Variants in BTBD9 observed in about 807,000 individuals in gnomAD.
BTBD9 encodes the protein BTB domain containing 9, also known as BTB/POZ domain-containing protein 9.
Under a neutral mutation model 64.3 loss-of-function variants are expected in BTBD9, and 49 were observed. That is an observed-to-expected ratio of 0.76 (90% CI 0.61 to 0.97). The LOEUF (loss-of-function observed/expected upper bound fraction) is 0.97, where lower values mean the gene tolerates loss of function less well. Among genes scored for constraint, BTBD9 ranks in the 50% least tolerant of loss-of-function variants. The pLI is 0.00. For missense variants in BTBD9, 598 were observed against 762.1 expected (o/e 0.78, Z 2.53); for synonymous variants, 260 against 274.7 (o/e 0.95, Z 0.53).
intron 9 of BTBD9, among the ~76,000 whole-genome samples, chr6:38,254,226 C>A (rs998075733): frequency 6.6e-6 from 1 of 151,740 alleles, no homozygotes; most frequent in Non-Finnish European, 1.5e-5. Flanking sequence ...GGAACACACA[C>A]ACTGACTGTC....
chr6:38,549,403 T>C (rs1774696521), intron 6 of BTBD9, among the ~76,000 whole-genome samples: 1 of 152,210 alleles, frequency 6.6e-6, no homozygotes, highest in African/African-American at 2.4e-5. Flanking sequence ...ATGTGATGTC[T>C]CTAAACTGAG....
rs1270794770 is a variant in BTBD9, at chr6:38,593,906, G to A, written c.549+58C>T. On this transcript the variant is annotated intron_variant, in intron 3 of 10. Coordinates refer to ENST00000481247, the MANE Select transcript of BTBD9 (RefSeq NM_001099272.2). ...CTTAGTCCATTGCTATACTTCTACA[G>A]TATAGGTATAAATAAAACAATGCAT... 2.6e-5 allele frequency: 36 copies of A among 1,390,980 alleles called. No individual in the cohort carries two copies. The East Asian group carries it at 5.7e-4, about 22-fold the overall frequency. 86.2% of individuals were successfully genotyped at this position (1,390,980 alleles called of 1,614,324 possible). A position where few individuals can be genotyped will look rare whatever the true frequency, so the allele number is the denominator to read the frequency against.
At chr6:38,284,977 A>T (rs1463702788) in intron 8 of BTBD9, among the ~76,000 whole-genome samples, 4 of 141,024 alleles carry the variant, frequency 2.8e-5, no homozygotes, top group Non-Finnish European at 6.2e-5. Flanking sequence ...GACAGAGTCC[A>T]GAGTAGCACA....
At chr6:38,506,362 T>C (rs9369064) in intron 6 of BTBD9, among the ~76,000 whole-genome samples, 126,235 of 152,200 alleles carry the variant, frequency 0.83, 53,789 homozygotes, top group Non-Finnish European at 0.93. Flanking sequence ...AACACAAAGC[T>C]TGATCCATAA....
At chr6:38,630,448 G>A (rs1305264168) in intron 1 of BTBD9, among the ~76,000 whole-genome samples, 1 of 152,124 alleles carries the variant, frequency 6.6e-6, no homozygotes, top group Admixed American at 6.5e-5. Context: ...TTGTTTTTAG[G>A]AAATGCACAT....
At chr6:38,569,805 T>G (rs933710429) in intron 6 of BTBD9, among the ~76,000 whole-genome samples, 4 of 152,082 alleles carry the variant, frequency 2.6e-5, no homozygotes, top group African/African-American at 9.7e-5. Flanking sequence ...TTTGCTATTG[T>G]TGTTGTGTTT....
At chr6:38,248,714 A>G (rs1231275742) in intron 9 of BTBD9, among the ~76,000 whole-genome samples, 1 of 152,218 alleles carries the variant, frequency 6.6e-6, no homozygotes, top group Non-Finnish European at 1.5e-5. Context: ...GATGGCTGAC[A>G]TTGTAGGCAC....
chr6:38,324,975 A>AGGG (rs996809855), intron 7 of BTBD9, among the ~76,000 whole-genome samples: 1 of 152,224 alleles, frequency 6.6e-6, no homozygotes, highest in Non-Finnish European at 1.5e-5. Context: ...GACTGTTGCA[A>AGGG]GGGTTAAATG....
At chr6:38,383,269 G>A (rs1231708993) in intron 6 of BTBD9, among the ~76,000 whole-genome samples, 1 of 152,150 alleles carries the variant, frequency 6.6e-6, no homozygotes, top group African/African-American at 2.4e-5. Flanking sequence ...CCCTGTGATT[G>A]TCACAATATT....
At chr6:38,446,677 C>T (rs1769293125) in intron 6 of BTBD9, among the ~76,000 whole-genome samples, 1 of 152,152 alleles carries the variant, frequency 6.6e-6, no homozygotes, top group South Asian at 2.1e-4. Flanking sequence ...TATGAGTTCA[C>T]CTAATCCTGG....
chr6:38,585,151 C>T (rs1467162342), intron 4 of BTBD9, among the ~76,000 whole-genome samples: 1 of 152,044 alleles, frequency 6.6e-6, no homozygotes, highest in African/African-American at 2.4e-5. Flanking sequence ...AGCATGTGTA[C>T]CGACACTACA....
intron 6 of BTBD9, among the ~76,000 whole-genome samples, chr6:38,379,890 T>C (rs1186883057): frequency 6.6e-6 from 1 of 152,212 alleles, no homozygotes; most frequent in Non-Finnish European, 1.5e-5. Context: ...CAGTCATCTA[T>C]TGTCATATTA....
At chr6:38,346,627 G>A (rs892964610) in intron 6 of BTBD9, among the ~76,000 whole-genome samples, 35 of 150,428 alleles carry the variant, frequency 2.3e-4, no homozygotes, top group African/African-American at 8.6e-4. Context: ...GTTTGGGTGG[G>A]TGGGTAGGTT....
intron 6 of BTBD9, among the ~76,000 whole-genome samples, chr6:38,515,223 C>T (rs573445120): frequency 6.6e-6 from 1 of 152,274 alleles, no homozygotes; most frequent in South Asian, 2.1e-4. Context: ...TCCATTAGAT[C>T]GATAGCAATT....
intron 7 of BTBD9, among the ~76,000 whole-genome samples, chr6:38,333,019 G>A (rs533187982): frequency 2.0e-5 from 3 of 152,262 alleles, no homozygotes; most frequent in South Asian, 2.1e-4. Context: ...GTTCTAGACC[G>A]TTATCCCATC....
At chr6:38,366,576 G>T (rs1765191525) in intron 6 of BTBD9, among the ~76,000 whole-genome samples, 1 of 152,182 alleles carries the variant, frequency 6.6e-6, no homozygotes, top group African/African-American at 2.4e-5. Context: ...TAACAAAAAA[G>T]AATTGTTGGT....
chr6:38,197,309 TAG>T (rs1354257090), intron 9 of BTBD9, among the ~76,000 whole-genome samples: 5 of 152,174 alleles, frequency 3.3e-5, no homozygotes, highest in Admixed American at 2.0e-4. Flanking sequence ...GCTGTCAGGA[TAG>T]AGTCAGCAAT....
rs55979438 is a variant in BTBD9 at position 38,527,263 on chromosome 6, CAAAAAAAAAAAAAAA to C, written c.1154+50322_1154+50336del. ...TGCACTCCAGAGCGAGACTCTGTCT[CAAAAAAAAAAAAAAA>C]AAAAAAAAAAAAAAAAAAGATGTGA... On this transcript the variant is annotated intron_variant, in intron 6 of 10. Transcript: ENST00000481247. Among the ~76,000 whole-genome samples the C allele has an allele frequency of 6.6e-4, 35 of 53,340 alleles. 1 individual carries two copies. The highest frequency in any genetic ancestry group is 3.4e-3 in the South Asian group (3 of 884). The allele number at this position is 53,340 out of a possible 152,430, so 35.0% of individuals were successfully genotyped here.
At chr6:38,310,900 C>G (rs1762804874) in intron 7 of BTBD9, among the ~76,000 whole-genome samples, 1 of 152,172 alleles carries the variant, frequency 6.6e-6, no homozygotes, top group Non-Finnish European at 1.5e-5. Flanking sequence ...AACCTCCCCC[C>G]GGGTTCAAGC....
Sources: gnomAD v4.1 joint callset for allele counts (sites outside exome capture counted in the v4.1 genomes callset) on GRCh38, gnomAD v4.1.1 for gene constraint, MANE v1.5 for transcripts, NCBI Gene and HGNC (gene_info 2026-07-23, HGNC 2026-07-21) for gene names.